Variants in EPHB4 observed in about 807,000 individuals in gnomAD.
The protein encoded by EPHB4 is EPH receptor B4.
A neutral mutation model predicts 110.6 loss-of-function variants in EPHB4; 50 were observed. That is an observed-to-expected ratio of 0.45 (90% CI 0.36 to 0.57). The LOEUF (loss-of-function observed/expected upper bound fraction) is 0.57. EPHB4 is among the 20% of genes least tolerant of loss of function. The pLI is 0.00. For missense variants in EPHB4, 1,128 were observed against 1,382.1 expected (o/e 0.82, Z 2.91); for synonymous variants, 592 against 578.4 (o/e 1.02, Z -0.34).
chr7:100,818,931 T>A (rs1234945373), intron 6 of EPHB4, among the ~76,000 whole-genome samples: 1 of 152,080 alleles, frequency 6.6e-6, no homozygotes, highest in African/African-American at 2.4e-5. Flanking sequence ...CCTGACCTTG[T>A]GATCAGCCTG....
chr7:100,818,022 G>A (rs553979422), intron 7 of EPHB4, among the ~76,000 whole-genome samples: 127 of 151,142 alleles, frequency 8.4e-4, no homozygotes, highest in African/African-American at 2.7e-3. Context: ...GCCTGCCACC[G>A]CGCCTGGCTA....
In EPHB4 at chr7:100,818,659, G is replaced by T; in HGVS notation, c.1298-15C>A. On this transcript the variant is annotated splice_polypyrimidine_tract_variant and intron_variant, in intron 6 of 16. Coordinates refer to ENST00000358173, the MANE Select transcript of EPHB4 (RefSeq NM_004444.5). ...TGCAGGAGGTACTGTGAGAGGCAGA[G>T]ACACAGGGAACCCTTGTGCATGGTA... 1 of 1,604,912 alleles carries T rather than the reference G, an allele frequency of 6.2e-7. No homozygotes were observed.
rs774913837 is a variant in EPHB4, at chr7:100,822,309, G to A, written c.770C>T (p.Pro257Leu). The A allele has an allele frequency of 7.9e-5, 124 of 1,566,486 alleles. No homozygotes were observed. The highest frequency in any genetic ancestry group is 1.7e-4 in the Middle Eastern group (1 of 6,036). Residue 257 changes from proline (P) to leucine (L), a missense_variant, in exon 4 of 17, where the codon CCG (proline) becomes CTG (leucine). Transcript: ENST00000358173. The surrounding 1 kb of genome is among the most constrained non-coding windows in gnomAD (Gnocchi z 4.7). ...EQPVTGCSCA[P>L]GFEAAEGNTK... The stretch of plus-strand genomic sequence containing the variant: ...GTTCCCCTCAGCTGCCTCGAACCCC[G>A]GAGCACAGCTGCAGCCCGTGACCGG...
chr7:100,816,149 G>A (rs2116440739), intron 8 of EPHB4, among the ~76,000 whole-genome samples: 1 of 150,652 alleles, frequency 6.6e-6, no homozygotes, highest in Admixed American at 6.6e-5. Flanking sequence ...CTGGGCAACA[G>A]AGTGAGACTC....
chr7:100,812,909 G>C lies in EPHB4; in HGVS notation c.1956C>G (p.Gly652=). ...SCVAIKTLKG[G]YTERQRREFL... is the part of the protein sequence containing the mutation. The stretch of plus-strand genomic sequence containing the variant: ...ACTCACGCCGCTGCCGCTCCGTGTA[G>C]CCACCCTTCAGGGTCTTGATTGCCA... The change falls in exon 12 of 17, where the codon GGC becomes GGG. Residue 652 remains glycine (G), a synonymous_variant. Coordinates refer to ENST00000358173, the MANE Select transcript of EPHB4 (RefSeq NM_004444.5). The C allele has an allele frequency of 6.2e-7, 1 of 1,614,222 alleles. No homozygotes were observed.
intron 6 of EPHB4, among the ~76,000 whole-genome samples, 163 bp downstream of exon 6, chr7:100,819,394 G>A (rs1164051661): frequency 6.6e-6 from 1 of 152,158 alleles, no homozygotes; most frequent in African/African-American, 2.4e-5. Context: ...ACAGGCGTGA[G>A]CCACTGCGCC....
chr7:100,823,566 C>T (rs1313435229), intron 3 of EPHB4, 78 bp downstream of exon 3: 6 of 1,546,780 alleles, frequency 3.9e-6, no homozygotes, highest in Admixed American at 1.8e-5. Flanking sequence ...GCAACTACAT[C>T]GGCTGCCCTC....
Position 100,820,273 on chromosome 7 carries a change from G to A in EPHB4, c.832C>T (p.Pro278Ser), listed in dbSNP as rs1181122990. ...CRACAQGTFK[P>S]LSGEGSCQPC... ...TGGCAGGACCCTTCTCCTGACAGGG[G>A]CTTGAAGGTGCCCTGGGCACAGGCT... Residue 278 changes from proline (P) to serine (S), a missense_variant, in exon 5 of 17, where the codon CCC (proline) becomes TCC (serine). Transcript: ENST00000358173. 5.0e-6 allele frequency: 8 copies of A among 1,613,882 alleles called. No individual in the cohort carries two copies. The highest frequency in any genetic ancestry group is 6.8e-6 in the Non-Finnish European group (8 of 1,180,006).
chr7:100,823,484 G>GA, intron 3 of EPHB4, among the ~76,000 whole-genome samples, 160 bp downstream of exon 3: 1 of 152,272 alleles, frequency 6.6e-6, no homozygotes, highest in East Asian at 1.9e-4. Flanking sequence ...CCTCCGCCCA[G>GA]AAGATCACCC....
chr7:100,804,189 T>C (rs1812762075), intron 16 of EPHB4, among the ~76,000 whole-genome samples: 1 of 143,578 alleles, frequency 7.0e-6, no homozygotes, highest in Admixed American at 7.1e-5. Context: ...TTTGTAGAGA[T>C]GGGGTTTTGC....
chr7:100,813,046 G>A, intron 11 of EPHB4, 49 bp downstream of exon 11: 1 of 1,612,476 alleles, frequency 6.2e-7, no homozygotes, highest in Non-Finnish European at 8.5e-7. Flanking sequence ...GTGTGGCCCT[G>A]CCCACCCCCG....
chr7:100,807,647 T>A, intron 12 of EPHB4, 67 bp from the exon 13 acceptor site: 3 of 1,490,150 alleles, frequency 2.0e-6, no homozygotes, highest in South Asian at 1.3e-5. Context: ...CCCATCCACA[T>A]CTTTTTTTTT....
At chr7:100,825,675 G>A (rs528865637) in intron 1 of EPHB4, 1 of 152,394 alleles carries the variant, frequency 6.6e-6, no homozygotes, top group Non-Finnish European at 1.5e-5. Flanking sequence ...CTAAGCCCCA[G>A]CCTCCTCATC....
In EPHB4 at chr7:100,805,283, T is replaced by C. The variant is rs774766128; in HGVS notation, c.2717A>G (p.Tyr906Cys). Residue 906 changes from tyrosine to cysteine, a missense_variant, in exon 16 of 17, where the codon TAC becomes TGC. Physicochemically the swap from Tyr to Cys is radical, Grantham distance 194. This residue lies in a region of EPHB4 where 209 missense variants were observed against 240.5 expected (regional missense o/e 0.87). Coordinates refer to ENST00000358173, the MANE Select transcript of EPHB4 (RefSeq NM_004444.5). Reference sequence around the variant, plus strand: ...CTCGCCCACAGAGCCAAAAGCTGAGTAGTGAGGCTGCCGCTGGTCCAGGAG... The same window carrying C: ...CTCGCCCACAGAGCCAAAAGCTGAGCAGTGAGGCTGCCGCTGGTCCAGGAG... ...HPLLDQRQPHYSAFGSVGEWL... is the reference protein window; with the variant it reads ...HPLLDQRQPHCSAFGSVGEWL... 13 of 1,613,292 alleles carry C rather than the reference T, an allele frequency of 8.1e-6. No homozygotes were observed.
intron 8 of EPHB4, among the ~76,000 whole-genome samples, chr7:100,815,521 T>C (rs750363752): frequency 6.6e-6 from 1 of 152,130 alleles, no homozygotes; most frequent in African/African-American, 2.4e-5. Flanking sequence ...CTAAGGGCTA[T>C]AGGGTCTCTT....
chr7:100,823,104 T>C (rs562281918), intron 3 of EPHB4, among the ~76,000 whole-genome samples: 8 of 152,210 alleles, frequency 5.3e-5, no homozygotes, highest in African/African-American at 7.2e-5. Flanking sequence ...CTGGGTAACG[T>C]AGAAGACCCC....
chr7:100,826,422 G>GGCAGGA, intron 1 of EPHB4, among the ~76,000 whole-genome samples: 1 of 152,106 alleles, frequency 6.6e-6, no homozygotes. Context: ...CTATACCAGG[G>GGCAGGA]GCAGGAGCAG....
At chr7:100,824,514 G>C in intron 1 of EPHB4, 1 of 530,980 alleles carries the variant, frequency 1.9e-6, no homozygotes, top group Non-Finnish European at 3.4e-6. Context: ...CCCAGATCTA[G>C]GCCTCCCTGG....
Position 100,822,675 on chromosome 7 carries a change from C to CG in EPHB4, c.412-9dup, listed in dbSNP as rs559202547. 50 of 1,543,964 alleles carry CG rather than the reference C, an allele frequency of 3.2e-5. No homozygotes were observed. Among genetic ancestry groups the CG allele is most frequent in the South Asian group, 2.4e-4 (20 of 82,308 alleles). On this transcript the variant is annotated splice_polypyrimidine_tract_variant and intron_variant, in intron 3 of 16. Coordinates refer to ENST00000358173, the MANE Select transcript of EPHB4 (RefSeq NM_004444.5). The surrounding 1 kb of genome is among the most constrained non-coding windows in gnomAD (Gnocchi z 4.7). ...CGCGGCCACCGTGTCCACCTGCCGG[C>CG]GGGGGGGAGGCACACCGCTGCTGTC... is the stretch of plus-strand genomic sequence containing the variant.
Sources: allele counts gnomAD v4.1 joint callset (sites outside exome capture counted in the v4.1 genomes callset), GRCh38; gene constraint gnomAD v4.1.1; regional missense constraint gnomAD v4.1.1; non-coding constraint Gnocchi (gnomAD v3.1); transcripts MANE v1.5; gene names NCBI Gene and HGNC (gene_info 2026-07-23, HGNC 2026-07-21).